FAR2: variants seen among roughly 807,000 people sequenced by gnomAD.
FAR2 encodes fatty acyl-CoA reductase 2, also known as epididymis secretory protein Li 81.
FAR2 carries 19 observed loss-of-function variants against 56.0 expected under a neutral mutation model. The observed-to-expected ratio is 0.34, with a 90% CI of 0.24 to 0.50. FAR2 has a LOEUF of 0.50. Ranked by LOEUF, FAR2 falls within the 20% of genes least tolerant of loss-of-function variation. FAR2 has a pLI of 0.98. For missense variants in FAR2, 508 were observed against 642.2 expected (o/e 0.79, Z 2.26); for synonymous variants, 219 against 218.8 (o/e 1.00, Z -0.01).
At chr12:29,202,679 T>C (rs1443428587) in intron 1 of FAR2, among the ~76,000 whole-genome samples, 1 of 152,168 alleles carries the variant, frequency 6.6e-6, no homozygotes, top group East Asian at 1.9e-4. Flanking sequence ...TGTTTTTAGT[T>C]CACACCAAAG....
chr12:29,259,384 T>A (rs952756704), intron 1 of FAR2, among the ~76,000 whole-genome samples: 12 of 152,216 alleles, frequency 7.9e-5, no homozygotes, highest in African/African-American at 2.7e-4. Flanking sequence ...AAGAGTAACA[T>A]TCCTGAGAGG....
Position 29,212,603 on chromosome 12 carries a change from C to G in FAR2, c.-38-57809C>G, listed in dbSNP as rs114249497. On this transcript the variant is annotated intron_variant, in intron 1 of 11. Transcript: ENST00000536681. ...CCAGCTTTGAATTCTTGCCAGGTCC[C>G]CAGACCTGAGTTTCCACCATCTCCT... Among the ~76,000 whole-genome samples the G allele has an allele frequency of 8.0e-3, 1,213 of 152,292 alleles. 14 individuals carry two copies. Among genetic ancestry groups the G allele is most frequent in the African/African-American group, 0.028 (1,167 of 41,530 alleles).
At chr12:29,281,016 G>A (rs2060669266) in intron 2 of FAR2, 2 of 152,192 alleles carry the variant, frequency 1.3e-5, no homozygotes, top group Admixed American at 1.3e-4. Flanking sequence ...CCCACACATA[G>A]AAGACACTCA....
intron 1 of FAR2, among the ~76,000 whole-genome samples, chr12:29,200,071 T>C (rs148749243): frequency 1.3e-5 from 2 of 152,220 alleles, no homozygotes; most frequent in African/African-American, 2.4e-5. Flanking sequence ...AGTAGTTTCA[T>C]TAAAAATGAA....
intron 8 of FAR2, among the ~76,000 whole-genome samples, chr12:29,314,123 T>C (rs1487830620): frequency 2.0e-5 from 3 of 152,224 alleles, no homozygotes; most frequent in Non-Finnish European, 2.9e-5. Flanking sequence ...AAGTGCAGTT[T>C]TCAATTGCCA....
intron 1 of FAR2, among the ~76,000 whole-genome samples, chr12:29,222,304 A>C (rs1269966328): frequency 3.9e-5 from 6 of 152,182 alleles, no homozygotes; most frequent in Non-Finnish European, 8.8e-5. Context: ...GTGATATTTC[A>C]TTGTTTTGAT....
At chr12:29,152,801 G>T (rs1949691704) in intron 1 of FAR2, among the ~76,000 whole-genome samples, 1 of 152,222 alleles carries the variant, frequency 6.6e-6, no homozygotes, top group South Asian at 2.1e-4. Flanking sequence ...GAAAATAAGT[G>T]CAATTAATTC....
At chr12:29,312,730 A>C (rs1040916571) in intron 8 of FAR2, among the ~76,000 whole-genome samples, 1 of 152,158 alleles carries the variant, frequency 6.6e-6, no homozygotes, top group Non-Finnish European at 1.5e-5. Context: ...AAGTTAAAGT[A>C]GGGAGTTTGG....
intron 1 of FAR2, chr12:29,156,355 G>T (rs1949727319): frequency 6.6e-6 from 1 of 151,990 alleles, no homozygotes; most frequent in Admixed American, 6.6e-5. Context: ...ACTATTTTTG[G>T]CATTGGAGTC....
chr12:29,260,811 A>G (rs1006688276), intron 1 of FAR2, among the ~76,000 whole-genome samples: 2 of 152,200 alleles, frequency 1.3e-5, no homozygotes, highest in Admixed American at 6.5e-5. Flanking sequence ...GGGCAAAGTA[A>G]GGGAAGAAAA....
At chr12:29,272,786 T>G (rs1948639649) in intron 2 of FAR2, among the ~76,000 whole-genome samples, 1 of 152,188 alleles carries the variant, frequency 6.6e-6, no homozygotes, top group Non-Finnish European at 1.5e-5. Flanking sequence ...AGTTTCAGTC[T>G]TTGAGGCTGC....
intron 4 of FAR2, among the ~76,000 whole-genome samples, chr12:29,298,605 A>G (rs192789638): frequency 6.6e-6 from 1 of 152,178 alleles, no homozygotes; most frequent in Non-Finnish European, 1.5e-5. Flanking sequence ...GTACAGAGAA[A>G]AATTTTAGAG....
intron 1 of FAR2, among the ~76,000 whole-genome samples, chr12:29,242,040 G>A (rs1162903182): frequency 6.6e-6 from 1 of 152,184 alleles, no homozygotes; most frequent in Admixed American, 6.5e-5. Context: ...CAGAGCATAG[G>A]CCTTGCCTCA....
At chr12:29,242,771 CTCTTT>C (rs1948058989) in intron 1 of FAR2, among the ~76,000 whole-genome samples, 1 of 152,298 alleles carries the variant, frequency 6.6e-6, no homozygotes, top group Non-Finnish European at 1.5e-5. Flanking sequence ...GGAAAAACCT[CTCTTT>C]TCTTTTCTAC....
chr12:29,189,230 AC>A (rs1301466709), intron 1 of FAR2, among the ~76,000 whole-genome samples: 5 of 152,020 alleles, frequency 3.3e-5, no homozygotes, highest in Non-Finnish European at 7.3e-5. Flanking sequence ...CTTTATTCAA[AC>A]ATTTATTTAT....
intron 1 of FAR2, chr12:29,151,464 C>G (rs898580837): frequency 6.6e-6 from 1 of 152,126 alleles, no homozygotes; most frequent in African/African-American, 2.4e-5. Flanking sequence ...GCAGGGCCAG[C>G]TTCATGGAAA....
intron 1 of FAR2, among the ~76,000 whole-genome samples, chr12:29,173,853 T>C (rs1949910980): frequency 6.6e-6 from 1 of 152,250 alleles, no homozygotes; most frequent in South Asian, 2.1e-4. Flanking sequence ...GTTTTCCTCC[T>C]AGACCACAAG....
intron 1 of FAR2, among the ~76,000 whole-genome samples, chr12:29,240,541 A>T (rs1207865263): frequency 6.6e-6 from 1 of 151,900 alleles, no homozygotes; most frequent in Non-Finnish European, 1.5e-5. Context: ...TAATTTGAAA[A>T]TGTGAATTTA....
chr12:29,327,393 G>T (rs1209313764), intron 10 of FAR2, among the ~76,000 whole-genome samples: 1 of 152,072 alleles, frequency 6.6e-6, no homozygotes, highest in Non-Finnish European at 1.5e-5. Context: ...CACAGAATTG[G>T]AAAAAACTAC....
Sources: gnomAD v4.1 joint callset for allele counts (sites outside exome capture counted in the v4.1 genomes callset) on GRCh38, gnomAD v4.1.1 for gene constraint, MANE v1.5 for transcripts, NCBI Gene and HGNC (gene_info 2026-07-23, HGNC 2026-07-21) for gene names.